SLC5A12: variants seen among roughly 807,000 people sequenced by gnomAD.
SLC5A12 encodes solute carrier family 5 member 12.
SLC5A12 carries 46 observed loss-of-function variants against 72.7 expected under a neutral mutation model. The observed-to-expected ratio is 0.63, with a 90% CI of 0.50 to 0.81. SLC5A12 has a LOEUF of 0.81. Among genes scored for constraint, SLC5A12 ranks in the 30% least tolerant of loss-of-function variants. The pLI, the probability that SLC5A12 is intolerant of heterozygous loss-of-function variation, is 0.00. For missense variants in SLC5A12, 683 were observed against 740.7 expected (o/e 0.92, Z 0.90); for synonymous variants, 275 against 264.4 (o/e 1.04, Z -0.39).
At position 26,698,419 on chromosome 11, in the gene SLC5A12, G is replaced by A. The variant is rs1298812101; in HGVS notation, c.938C>T (p.Ser313Leu). ...GAAAACCCATACCTGGTCTGGTGCT[G>A]AGATGATGCCAGAAGTCCAAGGGTC... Reference protein sequence around the residue: ...DCDPWTSGIISAPDQLMPYFV... With the variant: ...DCDPWTSGIILAPDQLMPYFV... The change falls in exon 7 of 15, where the codon TCA becomes TTA. Residue 313 changes from serine to leucine, a missense_variant. Coordinates refer to ENST00000396005, the MANE Select transcript of SLC5A12 (RefSeq NM_178498.4). 6.2e-7 allele frequency: 1 copy of A among 1,613,832 alleles called. No individual in the cohort carries two copies. The highest frequency in any genetic ancestry group is 2.2e-5 in the East Asian group (1 of 44,870).
intron 1 of SLC5A12, among the ~76,000 whole-genome samples, chr11:26,720,981 A>T (rs1855466162): frequency 6.6e-6 from 1 of 152,182 alleles, no homozygotes; most frequent in African/African-American, 2.4e-5. Context: ...TAAGTCATTT[A>T]TCTGTATCTC....
chr11:26,673,256 ACT>A, intron 14 of SLC5A12, 144 bp downstream of exon 14: 2 of 892,036 alleles, frequency 2.2e-6, no homozygotes, highest in Admixed American at 2.9e-5. Flanking sequence ...AGCTGAGATA[ACT>A]CTGAAGCTGA....
At chr11:26,677,231 G>T (rs1854286834) in intron 13 of SLC5A12, among the ~76,000 whole-genome samples, 1 of 152,184 alleles carries the variant, frequency 6.6e-6, no homozygotes, top group African/African-American at 2.4e-5. Context: ...AAGGGCATTT[G>T]ACTAAGACCT....
intron 6 of SLC5A12, among the ~76,000 whole-genome samples, chr11:26,698,941 C>A (rs1381974168): frequency 6.6e-6 from 1 of 152,032 alleles, no homozygotes; most frequent in African/African-American, 2.4e-5. Context: ...CATCTTTTTC[C>A]AGAGAGATAA....
chr11:26,689,632 G>A (rs534716671), intron 9 of SLC5A12, among the ~76,000 whole-genome samples: 23 of 152,148 alleles, frequency 1.5e-4, no homozygotes, highest in African/African-American at 5.1e-4. Flanking sequence ...CAAGAAAGTT[G>A]TATTTAATAT....
chr11:26,683,692 G>T, intron 11 of SLC5A12, 65 bp downstream of exon 11: 1 of 1,310,544 alleles, frequency 7.6e-7, no homozygotes. Context: ...AGGGCTGAGA[G>T]GAGAGAGAAA....
intron 9 of SLC5A12, among the ~76,000 whole-genome samples, chr11:26,689,589 T>G (rs1239478973): frequency 2.0e-5 from 3 of 152,162 alleles, no homozygotes; most frequent in African/African-American, 7.2e-5. Context: ...GATAAGTGGT[T>G]GGGTTACACA....
chr11:26,692,803 A>G (rs560927008), intron 8 of SLC5A12, among the ~76,000 whole-genome samples: 4 of 152,202 alleles, frequency 2.6e-5, no homozygotes, highest in Non-Finnish European at 4.4e-5. Flanking sequence ...TGCTCTTAAA[A>G]TTTTTCCATG....
intron 1 of SLC5A12, among the ~76,000 whole-genome samples, chr11:26,720,349 ATAAG>A (rs1554997300): frequency 1.1e-4 from 17 of 150,864 alleles, no homozygotes; most frequent in Middle Eastern, 3.4e-3. Context: ...AAATAAATAA[ATAAG>A]TAAATAAATA....
Position 26,703,444 on chromosome 11 carries a change from ACACC to A in SLC5A12, c.821+83_821+86del, listed in dbSNP as rs71889319. ...CATACATACACACACACACACACAC[ACACC>A]CCCCAAGAGGAAGTATTAATATATA... On this transcript the variant is annotated intron_variant, in intron 6 of 14. Transcript: ENST00000396005. 14,362 of 1,351,928 alleles carry A rather than the reference ACACC, an allele frequency of 0.011. 931 individuals carry two copies. The African/African-American group carries it at 0.17, about 16-fold the overall frequency. The allele number at this position is 1,351,928 out of a possible 1,614,324, so 83.7% of individuals were successfully genotyped here. A position where few individuals can be genotyped will look rare whatever the true frequency, so the allele number is the denominator to read the frequency against.
chr11:26,720,613 A>G (rs1301932901), intron 1 of SLC5A12, among the ~76,000 whole-genome samples: 1 of 152,050 alleles, frequency 6.6e-6, no homozygotes, highest in Non-Finnish European at 1.5e-5. Flanking sequence ...GACTTTAGGA[A>G]TGATATTGGA....
intron 14 of SLC5A12, among the ~76,000 whole-genome samples, chr11:26,672,853 G>C (rs1463564890): frequency 6.6e-6 from 1 of 152,088 alleles, no homozygotes; most frequent in Admixed American, 6.6e-5. Context: ...CTGCGTCTTT[G>C]CCTGTACATT....
upstream of SLC5A12, chr11:26,723,270 A>G (rs1428016673): frequency 6.6e-6 from 1 of 152,512 alleles, no homozygotes; most frequent in Non-Finnish European, 1.5e-5. Context: ...GACCAAAGAA[A>G]GGTTTAATTA....
intron 7 of SLC5A12, among the ~76,000 whole-genome samples, chr11:26,698,149 C>T (rs1230910069): frequency 1.3e-5 from 2 of 152,012 alleles, no homozygotes; most frequent in African/African-American, 4.8e-5. Flanking sequence ...CTGCCCGCCT[C>T]GGCCTCCCAA....
At chr11:26,692,701 A>T in intron 8 of SLC5A12, 100 bp from the exon 9 acceptor site, 1 of 704,926 alleles carries the variant, frequency 1.4e-6, no homozygotes, top group South Asian at 1.7e-5. Flanking sequence ...AGGCCTCTAG[A>T]AAAAACAGAT....
chr11:26,702,067 T>C (rs910078384), intron 6 of SLC5A12, among the ~76,000 whole-genome samples: 1 of 152,188 alleles, frequency 6.6e-6, no homozygotes, highest in Non-Finnish European at 1.5e-5. Context: ...TACCAAAGGA[T>C]TCTTCTCTTT....
rs1293532572 is a variant in SLC5A12, at chr11:26,697,193, A to G, written c.1011T>C (p.Phe337=). Residue 337 remains phenylalanine (F), a synonymous_variant, in exon 8 of 15, where the codon TTT becomes TTC. Transcript: ENST00000396005. ...FATMPGLPGL[F]VACAFSGTLS... ...GAGTTCCACTGAAGGCACAAGCCAC[A>G]AAAAGTCCTGGCAGTCCTGGCATTG... is the stretch of plus-strand genomic sequence containing the variant. The G allele has an allele frequency of 6.2e-7, 1 of 1,613,976 alleles. No individual in the cohort carries two copies. Among genetic ancestry groups the G allele is most frequent in the South Asian group, 1.1e-5 (1 of 91,072 alleles).
chr11:26,690,791 T>C (rs966811046), intron 9 of SLC5A12, among the ~76,000 whole-genome samples: 8 of 143,832 alleles, frequency 5.6e-5, no homozygotes, highest in African/African-American at 1.4e-4. Flanking sequence ...TGAAACTCTG[T>C]CTCAAAAAAA....
Position 26,683,775 on chromosome 11 carries a change from G to A in SLC5A12, c.1290C>T (p.Phe430=), listed in dbSNP as rs760672532. Residue 430 remains phenylalanine, a synonymous_variant, in exon 11 of 15, where the codon TTC becomes TTT. Transcript: ENST00000396005. ...TCCTTACCTTCCAATTCACAAAAGG[G>A]AACACGATTCCCAGGGAGAATAAGC... ...MLGLFSLGIV[F]PFVNWKGALG... is the part of the protein sequence containing the mutation. 7 of 1,592,670 alleles carry A rather than the reference G, an allele frequency of 4.4e-6. No individual in the cohort carries two copies. In the South Asian group the frequency reaches 4.6e-5, roughly 10 times the overall value.
Sources: gnomAD v4.1 joint callset for allele counts (sites outside exome capture counted in the v4.1 genomes callset) on GRCh38, gnomAD v4.1.1 for gene constraint, MANE v1.5 for transcripts, NCBI Gene and HGNC (gene_info 2026-07-23, HGNC 2026-07-21) for gene names.